ENPP6: variants seen among roughly 807,000 people sequenced by gnomAD.
The protein encoded by ENPP6 is ectonucleotide pyrophosphatase/phosphodiesterase 6.
A neutral mutation model predicts 42.0 loss-of-function variants in ENPP6; 32 were observed. The ratio of observed to expected loss-of-function variants is 0.76; its 90% CI spans 0.58 to 1.02. ENPP6 has a LOEUF of 1.02. Ranked by LOEUF, ENPP6 falls within the 50% of genes least tolerant of loss-of-function variation. The probability of loss-of-function intolerance (pLI) is 0.00; values close to 1 mark genes in which losing one functional copy is unlikely to be tolerated. For synonymous variants in ENPP6, 213 were observed against 216.0 expected (o/e 0.99, Z 0.12); for missense variants, 552 against 566.8 (o/e 0.97, Z 0.27).
At chr4:184,164,950 C>T (rs1266725932) in intron 1 of ENPP6, among the ~76,000 whole-genome samples, 7 of 152,270 alleles carry the variant, frequency 4.6e-5, no homozygotes, top group South Asian at 2.1e-4. Context: ...GCACTCCACG[C>T]GATTCCCAGC....
chr4:184,210,827 A>T (rs1380178328), intron 1 of ENPP6, among the ~76,000 whole-genome samples: 1 of 152,220 alleles, frequency 6.6e-6, no homozygotes, highest in Admixed American at 6.5e-5. Context: ...AATTGACCAC[A>T]TACTTGGAAG....
At chr4:184,161,193 A>G (rs1032132254) in intron 1 of ENPP6, among the ~76,000 whole-genome samples, 1 of 151,804 alleles carries the variant, frequency 6.6e-6, no homozygotes, top group East Asian at 1.9e-4. Context: ...CAAACAAATC[A>G]GCAAGAAAAA....
intron 1 of ENPP6, among the ~76,000 whole-genome samples, chr4:184,180,220 A>G (rs1732530651): frequency 6.6e-6 from 1 of 152,264 alleles, no homozygotes; most frequent in Admixed American, 6.5e-5. Flanking sequence ...ATCAGAGAAT[A>G]CTATAAATAC....
At position 184,113,737 on chromosome 4, in the gene ENPP6, C is replaced by T. The variant is rs565167100; in HGVS notation, c.856-928G>A. ...TACTTGTTTGCCATTAACTACATTGCTAATTTCATGATGAAGATGCAAACT... is the reference window on the plus strand; with the variant it reads ...TACTTGTTTGCCATTAACTACATTGTTAATTTCATGATGAAGATGCAAACT... On this transcript the variant is annotated intron_variant, in intron 5 of 7. Coordinates refer to ENST00000296741, the MANE Select transcript of ENPP6 (RefSeq NM_153343.4). Among the ~76,000 whole-genome samples, 5 of 152,306 alleles carry T rather than the reference C, an allele frequency of 3.3e-5. No homozygotes were observed. In the South Asian group the frequency reaches 1.0e-3, roughly 32 times the overall value.
At chr4:184,140,341 T>C (rs1037747582) in intron 2 of ENPP6, among the ~76,000 whole-genome samples, 1 of 151,752 alleles carries the variant, frequency 6.6e-6, no homozygotes, top group Non-Finnish European at 1.5e-5. Flanking sequence ...TTCAATGCCA[T>C]CCCCATCAAG....
chr4:184,208,978 T>A (rs540796668), intron 1 of ENPP6, among the ~76,000 whole-genome samples: 29 of 142,948 alleles, frequency 2.0e-4, no homozygotes, highest in African/African-American at 6.4e-4. Flanking sequence ...AGGAGCACAC[T>A]GACACCTCAC....
At chr4:184,171,787 A>AT (rs34370676) in intron 1 of ENPP6, among the ~76,000 whole-genome samples, 86,956 of 147,668 alleles carry the variant, frequency 0.59, 27,115 homozygotes, top group East Asian at 0.89. Flanking sequence ...AAACACATTG[A>AT]TTTTTTTTTT....
intron 7 of ENPP6, among the ~76,000 whole-genome samples, chr4:184,093,277 T>C (rs1290742731): frequency 6.6e-6 from 1 of 152,046 alleles, no homozygotes; most frequent in Non-Finnish European, 1.5e-5. Flanking sequence ...ATCTGGAGGG[T>C]TTACTTTTCT....
At chr4:184,136,587 C>G (rs1257352826) in intron 2 of ENPP6, among the ~76,000 whole-genome samples, 1 of 152,162 alleles carries the variant, frequency 6.6e-6, no homozygotes, top group Non-Finnish European at 1.5e-5. Flanking sequence ...ACTATGCTAT[C>G]ATTTTTGAAG....
At chr4:184,147,936 G>T (rs1736956432) in intron 2 of ENPP6, among the ~76,000 whole-genome samples, 1 of 152,040 alleles carries the variant, frequency 6.6e-6, no homozygotes, top group Admixed American at 6.6e-5. Flanking sequence ...CCCATCCAGG[G>T]CCTTAGCACC....
chr4:184,160,465 C>T (rs773634367), intron 1 of ENPP6, among the ~76,000 whole-genome samples: 8 of 152,144 alleles, frequency 5.3e-5, no homozygotes, highest in Non-Finnish European at 1.0e-4. Flanking sequence ...ATTGTCTACT[C>T]ATGACTTTTG....
At chr4:184,138,923 A>G (rs556642199) in intron 2 of ENPP6, among the ~76,000 whole-genome samples, 25 of 152,396 alleles carry the variant, frequency 1.6e-4, no homozygotes, top group African/African-American at 5.8e-4. Context: ...CAGGGCAAAT[A>G]GGACATCCTA....
intron 2 of ENPP6, among the ~76,000 whole-genome samples, chr4:184,149,562 A>G (rs1736988154): frequency 6.6e-6 from 1 of 152,190 alleles, no homozygotes; most frequent in Non-Finnish European, 1.5e-5. Context: ...GGGCAGGAAG[A>G]GGCCAGGAGA....
intron 5 of ENPP6, among the ~76,000 whole-genome samples, chr4:184,113,889 C>T (rs935033770): frequency 5.5e-5 from 8 of 146,372 alleles, no homozygotes; most frequent in African/African-American, 1.8e-4. Flanking sequence ...CTTTTTCCTT[C>T]CTTTCTTTCT....
chr4:184,190,322 A>G (rs1384198865), intron 1 of ENPP6, among the ~76,000 whole-genome samples: 1 of 152,232 alleles, frequency 6.6e-6, no homozygotes, highest in East Asian at 1.9e-4. Context: ...AGTTTGCAAA[A>G]TACTTAATTC....
intron 6 of ENPP6, among the ~76,000 whole-genome samples, chr4:184,107,209 A>G (rs1736111433): frequency 1.3e-5 from 2 of 152,180 alleles, no homozygotes; most frequent in South Asian, 4.1e-4. Context: ...GTCTTTCCAG[A>G]AGACAGGGAA....
At chr4:184,151,640 C>T (rs1356406329) in intron 2 of ENPP6, among the ~76,000 whole-genome samples, 2 of 152,210 alleles carry the variant, frequency 1.3e-5, no homozygotes, top group African/African-American at 2.4e-5. Flanking sequence ...CCACATTCAT[C>T]TTGATGCTCC....
intron 7 of ENPP6, among the ~76,000 whole-genome samples, chr4:184,092,493 C>T (rs1028097147): frequency 1.3e-5 from 2 of 152,160 alleles, no homozygotes; most frequent in African/African-American, 4.8e-5. Context: ...ACACGCAGCA[C>T]GGTGAGTGAG....
At chr4:184,133,200 A>G (rs916343407) in intron 2 of ENPP6, among the ~76,000 whole-genome samples, 14 of 151,620 alleles carry the variant, frequency 9.2e-5, no homozygotes, top group Admixed American at 9.2e-4. Flanking sequence ...CACAGTTGAG[A>G]TTTTGATTGG....
Sources: allele counts gnomAD v4.1 joint callset (sites outside exome capture counted in the v4.1 genomes callset), GRCh38; gene constraint gnomAD v4.1.1; transcripts MANE v1.5; gene names NCBI Gene and HGNC (gene_info 2026-07-23, HGNC 2026-07-21).